C1orf185: variants seen among roughly 807,000 people sequenced by gnomAD.
The protein encoded by C1orf185 is chromosome 1 open reading frame 185.
Under a neutral mutation model 16.1 loss-of-function variants are expected in C1orf185, and 13 were observed. The observed-to-expected ratio is 0.81, with a 90% CI of 0.53 to 1.28. C1orf185 has a LOEUF of 1.28. Ranked by LOEUF, C1orf185 falls within the 50% of genes most tolerant of loss-of-function variation. The probability of loss-of-function intolerance (pLI) is 0.00; values close to 1 mark genes in which losing one functional copy is unlikely to be tolerated. For missense variants in C1orf185, 220 were observed against 225.2 expected, an observed-to-expected ratio of 0.98 and a Z score of 0.15; for synonymous variants, 80 against 76.9, an observed-to-expected ratio of 1.04 and a Z score of -0.21.
intron 1 of C1orf185, among the ~76,000 whole-genome samples, chr1:51,105,919 G>A (rs1646067341): frequency 1.3e-5 from 2 of 152,160 alleles, no homozygotes; most frequent in African/African-American, 2.4e-5. Flanking sequence ...TAGCAAATAT[G>A]TAATTTTTCC....
At chr1:51,112,347 C>T in intron 1 of C1orf185, 117 bp from the exon 2 acceptor site, 1 of 776,502 alleles carries the variant, frequency 1.3e-6, no homozygotes, top group Non-Finnish European at 1.9e-6. Flanking sequence ...ATCTCCCAAT[C>T]TCCTGGTTAA....
chr1:51,150,786 TCCTTTTGCATTATTTCCTGGG>T (rs1646426710), downstream of C1orf185, among the ~76,000 whole-genome samples: 1 of 152,236 alleles, frequency 6.6e-6, no homozygotes, highest in Admixed American at 6.5e-5. Context: ...ATTTTTGACA[TCCTTTTGCATTATTTCCTGGG>T]CCTGCTGTTC....
chr1:51,103,410 A>AACACACACACACACACACAC (rs367808687), intron 1 of C1orf185, among the ~76,000 whole-genome samples: 4 of 128,892 alleles, frequency 3.1e-5, no homozygotes, highest in Non-Finnish European at 6.4e-5. Flanking sequence ...TGTCTCGAAA[A>AACACACACACACACACACAC]ACACACACAC....
At chr1:51,117,192 C>T (rs6704388) in intron 2 of C1orf185, among the ~76,000 whole-genome samples, 11,672 of 152,008 alleles carry the variant, frequency 0.077, 1,351 homozygotes, top group African/African-American at 0.25. Flanking sequence ...AAATATTTGT[C>T]GAGAATTGAA....
rs976175779 is a variant in C1orf185, at chr1:51,147,498, A to G, written c.327A>G (p.Gln109=). The G allele has an allele frequency of 6.5e-7, 1 of 1,543,732 alleles. No homozygotes were observed. Among genetic ancestry groups the G allele is most frequent in the African/African-American group, 1.4e-5 (1 of 72,600 alleles). Residue 109 remains glutamine, a synonymous_variant, in exon 5 of 5, where the codon CAA becomes CAG. Transcript: ENST00000371759. ...AIKDHSKDEP[Q]LATKNIICDP... ...AAGATCATTCTAAAGATGAACCCCAACTTGCAACAAAAAATATCATTTGTG... is the reference window on the plus strand; with the variant it reads ...AAGATCATTCTAAAGATGAACCCCAGCTTGCAACAAAAAATATCATTTGTG...
At chr1:51,150,273 C>T (rs911835793), downstream of C1orf185, among the ~76,000 whole-genome samples, 4 of 151,362 alleles carry the variant, frequency 2.6e-5, no homozygotes, top group South Asian at 2.1e-4. Context: ...CTCATTGCAA[C>T]CTCCGCTTCC....
At chr1:51,149,792 T>A (rs1173847918), downstream of C1orf185, among the ~76,000 whole-genome samples, 1 of 152,158 alleles carries the variant, frequency 6.6e-6, no homozygotes, top group Non-Finnish European at 1.5e-5. Context: ...AAACTGGAGA[T>A]GAGAGATTAG....
chr1:51,135,815 G>A (rs1047322567), intron 3 of C1orf185, among the ~76,000 whole-genome samples: 1 of 152,034 alleles, frequency 6.6e-6, no homozygotes, highest in Non-Finnish European at 1.5e-5. Context: ...AGGGCAATCA[G>A]GCAAGAAAAA....
intron 2 of C1orf185, among the ~76,000 whole-genome samples, chr1:51,115,272 A>G (rs937926287): frequency 3.0e-4 from 46 of 152,154 alleles, no homozygotes; most frequent in African/African-American, 1.1e-3. Context: ...CAGATGGCAG[A>G]GGTTGCAGTG....
chr1:51,112,361 C>A, intron 1 of C1orf185, 103 bp from the exon 2 acceptor site: 1 of 921,670 alleles, frequency 1.1e-6, no homozygotes. Flanking sequence ...TGGTTAATGT[C>A]TTAACACTAC....
At chr1:51,115,176 A>G (rs1252212662) in intron 2 of C1orf185, among the ~76,000 whole-genome samples, 2 of 152,066 alleles carry the variant, frequency 1.3e-5, no homozygotes, top group Non-Finnish European at 2.9e-5. Flanking sequence ...TGTCTCTACT[A>G]AAAGTACAAA....
At chr1:51,133,626 T>C (rs758953685) in intron 3 of C1orf185, among the ~76,000 whole-genome samples, 2 of 152,196 alleles carry the variant, frequency 1.3e-5, no homozygotes, top group Non-Finnish European at 2.9e-5. Flanking sequence ...TACACCCCAC[T>C]GACAATATTA....
At chr1:51,144,860 C>T (rs960317750) in intron 3 of C1orf185, among the ~76,000 whole-genome samples, 2 of 152,146 alleles carry the variant, frequency 1.3e-5, no homozygotes, top group East Asian at 3.9e-4. Flanking sequence ...CCAGCTTCAT[C>T]ATCACTCACT....
chr1:51,139,186 T>A (rs552053531), intron 3 of C1orf185, among the ~76,000 whole-genome samples: 2 of 151,838 alleles, frequency 1.3e-5, no homozygotes, highest in African/African-American at 4.8e-5. Context: ...CACTATAACC[T>A]CAAACTCCTG....
At chr1:51,106,976 T>C (rs904868792) in intron 1 of C1orf185, among the ~76,000 whole-genome samples, 9 of 152,082 alleles carry the variant, frequency 5.9e-5, no homozygotes, top group Non-Finnish European at 1.2e-4. Flanking sequence ...CCAGGATGGT[T>C]TTGATCTCCT....
chr1:51,116,838 C>T (rs1646161495), intron 2 of C1orf185, among the ~76,000 whole-genome samples: 1 of 152,074 alleles, frequency 6.6e-6, no homozygotes, highest in Non-Finnish European at 1.5e-5. Context: ...CTTACTTTCA[C>T]ATGTCCCCTC....
At chr1:51,103,448 C>CAA (rs869258098) in intron 1 of C1orf185, among the ~76,000 whole-genome samples, 6 of 149,772 alleles carry the variant, frequency 4.0e-5, no homozygotes, top group African/African-American at 1.5e-4. Flanking sequence ...CACACACACA[C>CAA]AAAAACCACG....
At chr1:51,130,582 T>C (rs35574124) in intron 3 of C1orf185, among the ~76,000 whole-genome samples, 2 of 152,240 alleles carry the variant, frequency 1.3e-5, no homozygotes, top group African/African-American at 2.4e-5. Context: ...GATATATGTG[T>C]CCAATTTCAT....
At chr1:51,120,093 C>T (rs891615562) in intron 3 of C1orf185, among the ~76,000 whole-genome samples, 2 of 151,982 alleles carry the variant, frequency 1.3e-5, no homozygotes, top group African/African-American at 4.8e-5. Context: ...ATCTCATGTT[C>T]AAAGGCTTGT....
Sources: allele counts gnomAD v4.1 joint callset (sites outside exome capture counted in the v4.1 genomes callset), GRCh38; gene constraint gnomAD v4.1.1; transcripts MANE v1.5; gene names NCBI Gene and HGNC (gene_info 2026-07-23, HGNC 2026-07-21).